The following PWWP2A variants were observed in gnomAD, a reference collection of about 807,000 sequenced individuals.
PWWP2A encodes PWWP domain containing 2A.
In PWWP2A, 18 loss-of-function variants were observed where a neutral mutation model predicts 48.5. The observed-to-expected ratio is 0.37, with a 90% CI of 0.26 to 0.55. The LOEUF (loss-of-function observed/expected upper bound fraction) is 0.55, where lower values mean the gene tolerates loss of function less well. Ranked by LOEUF, PWWP2A falls within the 20% of genes least tolerant of loss-of-function variation. The pLI, the probability that PWWP2A is intolerant of heterozygous loss-of-function variation, is 0.81. For missense variants in PWWP2A, 867 were observed against 976.4 expected, an observed-to-expected ratio of 0.89 and a Z score of 1.49; for synonymous variants, 396 against 387.7, an observed-to-expected ratio of 1.02 and a Z score of -0.25.
chr5:160,108,454 G>A, intron 1 of PWWP2A: 1 of 530,954 alleles, frequency 1.9e-6, no homozygotes, highest in South Asian at 1.6e-5. Context: ...TACTTATAAT[G>A]TACCACAACA....
At chr5:160,088,287 G>A (rs891775629), downstream of PWWP2A, among the ~76,000 whole-genome samples, 7 of 152,036 alleles carry the variant, frequency 4.6e-5, no homozygotes, top group Non-Finnish European at 7.4e-5. Flanking sequence ...TGCAACCTCC[G>A]CCTCCCGGGT....
At chr5:160,116,286 C>T (rs978997399) in intron 1 of PWWP2A, among the ~76,000 whole-genome samples, 2 of 152,004 alleles carry the variant, frequency 1.3e-5, no homozygotes, top group African/African-American at 2.4e-5. Flanking sequence ...GGAACTCCTG[C>T]GCTCAAGTGA....
chr5:160,084,181 C>A (rs926545094), intron 2 of PWWP2A, among the ~76,000 whole-genome samples: 1 of 152,070 alleles, frequency 6.6e-6, no homozygotes, highest in African/African-American at 2.4e-5. Flanking sequence ...TTTTTTATTG[C>A]TTTAAATATT....
intron 1 of PWWP2A, among the ~76,000 whole-genome samples, chr5:160,101,755 C>T (rs1481357036): frequency 6.6e-6 from 1 of 150,516 alleles, no homozygotes; most frequent in Non-Finnish European, 1.5e-5. Context: ...AGAAGCATCA[C>T]TTGAGCCCGA....
intron 1 of PWWP2A, among the ~76,000 whole-genome samples, chr5:160,103,764 G>T (rs1191165397): frequency 1.3e-5 from 2 of 152,158 alleles, no homozygotes; most frequent in Non-Finnish European, 2.9e-5. Flanking sequence ...ATGTTGGTGA[G>T]TGTGCCTGAG....
At chr5:160,101,067 T>A (rs986329114) in intron 1 of PWWP2A, among the ~76,000 whole-genome samples, 1 of 152,204 alleles carries the variant, frequency 6.6e-6, no homozygotes, top group Non-Finnish European at 1.5e-5. Flanking sequence ...GATGAAATCA[T>A]AGGCTGGGTG....
intron 1 of PWWP2A, among the ~76,000 whole-genome samples, chr5:160,105,239 CAAAAAAAAAAAAAAAA>C (rs70990704): frequency 2.0e-5 from 1 of 48,944 alleles, no homozygotes; most frequent in Non-Finnish European, 3.5e-5. Flanking sequence ...GTCTCTAAGG[CAAAAAAAAAAAAAAAA>C]AAAAAAAAAC....
downstream of PWWP2A, among the ~76,000 whole-genome samples, chr5:160,071,642 G>C (rs1166779577): frequency 1.3e-5 from 2 of 152,134 alleles, no homozygotes; most frequent in Non-Finnish European, 2.9e-5. Flanking sequence ...GAAATATCTT[G>C]ACGAGCCCTC....
intron 3 of PWWP2A, among the ~76,000 whole-genome samples, chr5:160,080,439 C>G (rs958614523): frequency 5.9e-5 from 9 of 152,154 alleles, no homozygotes; most frequent in Non-Finnish European, 8.8e-5. Flanking sequence ...GGAGACTCCT[C>G]TTTTTTGGCA....
At position 160,093,316 on chromosome 5, in the gene PWWP2A, T is replaced by G. The variant is rs200115226; in HGVS notation, c.1334A>C (p.Glu445Ala). 7.1e-5 allele frequency: 115 copies of G among 1,613,802 alleles called. No homozygotes were observed. Among genetic ancestry groups the G allele is most frequent in the Non-Finnish European group, 6.5e-5 (77 of 1,179,848 alleles). ...ATGTGCATTTTTGGAAGTAGAGGTT[T>G]CATTTTGCTTCTTTTGTGCCTTTTC... is the stretch of plus-strand genomic sequence containing the variant. Reference protein sequence around the residue: ...AKEKAQKKQNETSTSKNAHSK... With the variant: ...AKEKAQKKQNATSTSKNAHSK... The change falls in exon 2 of 2, where the codon GAA becomes GCA. Residue 445 changes from glutamate (E) to alanine (A), a missense_variant. Transcript: ENST00000307063. This position sits in a 1 kb window ranked among gnomAD's most constrained non-coding sequence, Gnocchi z 5.8.
intron 1 of PWWP2A, chr5:160,116,768 C>T: frequency 3.0e-6 from 3 of 985,398 alleles, no homozygotes; most frequent in African/African-American, 1.7e-5. Flanking sequence ...CATTCAACAG[C>T]ATACACACCA....
chr5:160,095,686 C>CTTT (rs11358268), intron 1 of PWWP2A, among the ~76,000 whole-genome samples: 3 of 100,308 alleles, frequency 3.0e-5, no homozygotes, highest in Admixed American at 1.2e-4. Flanking sequence ...CCGAAATGTT[C>CTTT]TTTTTTTTTT....
the PWWP2A span, among the ~76,000 whole-genome samples, chr5:160,050,334 C>G: frequency 6.6e-6 from 1 of 151,644 alleles, no homozygotes; most frequent in Admixed American, 6.6e-5. Context: ...GTAATCCCAG[C>G]TACTCGAGAG....
rs1755070192 is a variant in PWWP2A at position 160,091,556 on chromosome 5, A to G, written c.*826T>C. On this transcript the variant is annotated 3_prime_UTR_variant, in exon 2 of 2. Transcript: ENST00000307063. ...ACAAAGTATAATTTTACTGGGACAT[A>G]TCCTAAGAATTTAGGAACAGCCAGT... The G allele has an allele frequency of 1.0e-6, 1 of 984,598 alleles. No individual in the cohort carries two copies. Among genetic ancestry groups the G allele is most frequent in the African/African-American group, 1.7e-5 (1 of 57,220 alleles). The allele number at this position is 984,598 out of a possible 1,614,324, so 61.0% of individuals were successfully genotyped here. A position where few individuals can be genotyped will look rare whatever the true frequency, so the allele number is the denominator to read the frequency against.
chr5:160,109,786 T>TATATATATAAAAAATAATATAATA (rs1757329114), intron 1 of PWWP2A, among the ~76,000 whole-genome samples: 1 of 113,402 alleles, frequency 8.8e-6, no homozygotes, highest in Non-Finnish European at 1.8e-5. Flanking sequence ...TATATATATA[T>TATATATATAAAAAATAATATAATA]ATATATATAT....
chr5:160,089,302 G>A (rs1754883429), downstream of PWWP2A, among the ~76,000 whole-genome samples: 1 of 152,090 alleles, frequency 6.6e-6, no homozygotes, highest in Admixed American at 6.6e-5. Context: ...AGCCATCTTA[G>A]CCTCCCAAGT....
chr5:160,052,548 CAAAA>C, the PWWP2A span, among the ~76,000 whole-genome samples: 130 of 68,088 alleles, frequency 1.9e-3, no homozygotes, highest in East Asian at 0.014. Context: ...TCTATTTTAG[CAAAA>C]AAAAAAAAAA....
chr5:160,054,716 G>A, the PWWP2A span, among the ~76,000 whole-genome samples: 22 of 152,036 alleles, frequency 1.4e-4, no homozygotes, highest in Non-Finnish European at 2.6e-4. Flanking sequence ...TTTATAATCA[G>A]AATAATCAGG....
chr5:160,092,850 A>G lies in PWWP2A; in HGVS notation c.1800T>C (p.Ser600=). ...DLKSSNSECS[S]SESFDFPPGS... ...CTGGAGGAAAATCAAAGCTTTCAGA[A>G]GAACTACACTCAGAGTTGGAAGATT... Residue 600 remains serine, a synonymous_variant, in exon 2 of 2, where the codon TCT becomes TCC. Coordinates refer to ENST00000307063, the MANE Select transcript of PWWP2A (RefSeq NM_001130864.2). 2 of 1,551,754 alleles carry G rather than the reference A, an allele frequency of 1.3e-6. No individual in the cohort carries two copies. The highest frequency in any genetic ancestry group is 2.4e-5 in the South Asian group (2 of 84,066).
Sources: allele counts gnomAD v4.1 joint callset (sites outside exome capture counted in the v4.1 genomes callset), GRCh38; gene constraint gnomAD v4.1.1; non-coding constraint Gnocchi (gnomAD v3.1); transcripts MANE v1.5; gene names NCBI Gene and HGNC (gene_info 2026-07-23, HGNC 2026-07-21).